ADAM23: variants seen among roughly 807,000 people sequenced by gnomAD.
The protein encoded by ADAM23 is ADAM metallopeptidase domain 23.
Under a neutral mutation model 120.1 loss-of-function variants are expected in ADAM23, and 33 were observed. The ratio of observed to expected loss-of-function variants is 0.27; its 90% CI spans 0.21 to 0.37. The LOEUF is 0.37. Among genes scored for constraint, ADAM23 ranks in the 10% least tolerant of loss-of-function variants. The probability of loss-of-function intolerance (pLI) is 1.00; values close to 1 mark genes in which losing one functional copy is unlikely to be tolerated. For missense variants in ADAM23, 862 were observed against 1,058.2 expected (o/e 0.81, Z 2.57); for synonymous variants, 367 against 375.2 (o/e 0.98, Z 0.25).
rs115906121 is a variant in ADAM23, at chr2:206,466,769, A to G, written c.433-14463A>G. The stretch of plus-strand genomic sequence containing the variant: ...GGCTTATGGCTCTCCACACTTTTAA[A>G]CAACTAAATCTCATGACAGCTCACT... On this transcript the variant is annotated intron_variant, in intron 2 of 25. Coordinates refer to ENST00000264377, the MANE Select transcript of ADAM23 (RefSeq NM_003812.4). Among the ~76,000 whole-genome samples the G allele has an allele frequency of 6.8e-3, 1,029 of 152,348 alleles. 3 individuals are homozygous for G. The highest frequency in any genetic ancestry group is 0.027 in the Middle Eastern group (8 of 294).
At chr2:206,507,585 T>C (rs1696521328) in intron 3 of ADAM23, among the ~76,000 whole-genome samples, 1 of 152,192 alleles carries the variant, frequency 6.6e-6, no homozygotes, top group South Asian at 2.1e-4. Context: ...TCTTTATAAA[T>C]TACTCAGGCT....
At chr2:206,512,501 TA>T (rs1341955510) in intron 3 of ADAM23, among the ~76,000 whole-genome samples, 1 of 152,214 alleles carries the variant, frequency 6.6e-6, no homozygotes, top group Non-Finnish European at 1.5e-5. Flanking sequence ...AACTTTTGTA[TA>T]AAAATAGAAC....
At chr2:206,468,332 C>T (rs1695583584) in intron 2 of ADAM23, among the ~76,000 whole-genome samples, 1 of 152,174 alleles carries the variant, frequency 6.6e-6, no homozygotes, top group Non-Finnish European at 1.5e-5. Context: ...TTGACTCATG[C>T]ATATGAGCAT....
At position 206,617,840 on chromosome 2, in the gene ADAM23, G is replaced by A. The variant is rs993535107; in HGVS notation, c.*213G>A. 2.1e-5 allele frequency: 21 copies of A among 1,013,988 alleles called. No homozygotes were observed. The highest frequency in any genetic ancestry group is 1.3e-4 in the African/African-American group (8 of 60,502). 62.8% of individuals were successfully genotyped at this position (1,013,988 alleles called of 1,614,324 possible). On this transcript the variant is annotated 3_prime_UTR_variant, in exon 26 of 26. Transcript: ENST00000264377. Reference sequence around the variant, plus strand: ...CACCTTTCACCACCTGTCAGTAAACGGGGGAGGGGGCAAAAGACCATGCTA... The same window carrying A: ...CACCTTTCACCACCTGTCAGTAAACAGGGGAGGGGGCAAAAGACCATGCTA...
In ADAM23 at chr2:206,565,842, C is replaced by A. The variant is rs144047692; in HGVS notation, c.1394+774C>A. 1.6e-3 allele frequency among the ~76,000 whole-genome samples: 250 copies of A among 152,314 alleles called. 1 individual carries two copies. The highest frequency in any genetic ancestry group is 4.6e-3 in the South Asian group (22 of 4,822). Reference sequence around the variant, plus strand: ...GGTCCTACCTCCGTCCCTCTGGTTGCCAGAGGCCCTGACCTACTTGGACAG... The same window carrying A: ...GGTCCTACCTCCGTCCCTCTGGTTGACAGAGGCCCTGACCTACTTGGACAG... On this transcript the variant is annotated intron_variant, in intron 14 of 25. Transcript: ENST00000264377.
chr2:206,477,663 T>C (rs976394617), intron 2 of ADAM23, among the ~76,000 whole-genome samples: 4 of 152,020 alleles, frequency 2.6e-5, no homozygotes, highest in Non-Finnish European at 5.9e-5. Flanking sequence ...TGAACACATT[T>C]CTAAACCTCA....
intron 24 of ADAM23, chr2:206,605,931 G>C (rs1698720844): frequency 1.6e-6 from 1 of 618,684 alleles, no homozygotes; most frequent in Non-Finnish European, 2.9e-6. Context: ...CCTGATGTGT[G>C]AGGCGATGCC....
chr2:206,578,871 T>A (rs1289258879), intron 18 of ADAM23, among the ~76,000 whole-genome samples: 2 of 152,186 alleles, frequency 1.3e-5, no homozygotes, highest in Non-Finnish European at 2.9e-5. Context: ...TGTAGAAGTG[T>A]TCCCTGTTCA....
At chr2:206,525,957 A>G (rs1696935994) in intron 3 of ADAM23, among the ~76,000 whole-genome samples, 2 of 152,290 alleles carry the variant, frequency 1.3e-5, no homozygotes, top group Admixed American at 1.3e-4. Context: ...TTCTTGGTTA[A>G]TAGCTTTCCT....
At chr2:206,487,382 G>A (rs533532293) in intron 3 of ADAM23, among the ~76,000 whole-genome samples, 54 of 152,120 alleles carry the variant, frequency 3.5e-4, no homozygotes, top group African/African-American at 1.3e-3. Context: ...CTTCAAAGTC[G>A]GCTGAAGAAA....
chr2:206,613,533 C>T (rs979816797), intron 25 of ADAM23, among the ~76,000 whole-genome samples: 2 of 152,134 alleles, frequency 1.3e-5, no homozygotes, highest in African/African-American at 4.8e-5. Context: ...TTTTCATTCA[C>T]CCCATGCTCC....
intron 17 of ADAM23, 120 bp downstream of exon 17, chr2:206,571,936 C>T: frequency 1.3e-6 from 1 of 761,784 alleles, no homozygotes. Context: ...TACATATTAG[C>T]CTGGCAGTTT....
chr2:206,446,893 T>C (rs1695092483), intron 2 of ADAM23, among the ~76,000 whole-genome samples: 1 of 152,176 alleles, frequency 6.6e-6, no homozygotes, highest in Non-Finnish European at 1.5e-5. Flanking sequence ...AGAAGAGAAA[T>C]CCAAGGCCCT....
intron 3 of ADAM23, among the ~76,000 whole-genome samples, chr2:206,516,803 A>C (rs2105786817): frequency 6.6e-6 from 1 of 152,196 alleles, no homozygotes; most frequent in Admixed American, 6.6e-5. Context: ...TAAAAAGAAA[A>C]GTTCACGTAC....
intron 25 of ADAM23, among the ~76,000 whole-genome samples, chr2:206,613,866 T>C (rs1237641944): frequency 1.3e-5 from 2 of 152,198 alleles, no homozygotes; most frequent in East Asian, 3.8e-4. Context: ...AATTTGAATG[T>C]AGGGTTTTAC....
chr2:206,551,905 T>C (rs1697535437), intron 9 of ADAM23, among the ~76,000 whole-genome samples: 1 of 152,188 alleles, frequency 6.6e-6, no homozygotes, highest in Non-Finnish European at 1.5e-5. Context: ...AGAACACATA[T>C]AATTTAAGAG....
intron 2 of ADAM23, among the ~76,000 whole-genome samples, chr2:206,469,696 A>G (rs1359800500): frequency 6.6e-6 from 1 of 152,178 alleles, no homozygotes; most frequent in East Asian, 1.9e-4. Context: ...GTGCTACACA[A>G]TTGACGCCTC....
intron 3 of ADAM23, among the ~76,000 whole-genome samples, chr2:206,494,185 A>T (rs1408024071): frequency 6.6e-6 from 1 of 152,224 alleles, no homozygotes; most frequent in African/African-American, 2.4e-5. Flanking sequence ...AATTAATTAT[A>T]GTCACCATAC....
At chr2:206,509,742 C>G (rs1323648965) in intron 3 of ADAM23, among the ~76,000 whole-genome samples, 1 of 152,212 alleles carries the variant, frequency 6.6e-6, no homozygotes, top group Admixed American at 6.5e-5. Context: ...AGCCACTGCG[C>G]CCAGCCTGTA....
Sources: allele counts gnomAD v4.1 joint callset (sites outside exome capture counted in the v4.1 genomes callset), GRCh38; gene constraint gnomAD v4.1.1; transcripts MANE v1.5; gene names NCBI Gene and HGNC (gene_info 2026-07-23, HGNC 2026-07-21).